GPC6: variants seen among roughly 807,000 people sequenced by gnomAD.
The protein encoded by GPC6 is glypican-6.
In GPC6, 14 loss-of-function variants were observed where a neutral mutation model predicts 55.2. That is an observed-to-expected ratio of 0.25 (90% CI 0.17 to 0.40). The LOEUF (loss-of-function observed/expected upper bound fraction) is 0.40, where lower values mean the gene tolerates loss of function less well. Ranked by LOEUF, GPC6 falls within the 10% of genes least tolerant of loss-of-function variation. The pLI is 1.00. For synonymous variants in GPC6, 278 were observed against 259.6 expected, an observed-to-expected ratio of 1.07 and a Z score of -0.68; for missense variants, 641 against 708.5, an observed-to-expected ratio of 0.90 and a Z score of 1.08.
At chr13:93,240,663 A>G (rs1876397258) in intron 1 of GPC6, among the ~76,000 whole-genome samples, 2 of 152,186 alleles carry the variant, frequency 1.3e-5, no homozygotes. Flanking sequence ...TATATTAAAT[A>G]CTATTCCAGT....
At chr13:94,336,561 G>A (rs991407749) in intron 6 of GPC6, among the ~76,000 whole-genome samples, 25 of 152,058 alleles carry the variant, frequency 1.6e-4, no homozygotes, top group Admixed American at 4.6e-4. Context: ...CGTCGGTAGC[G>A]GTTTTTTAAT....
chr13:93,499,572 T>C (rs755513300), intron 1 of GPC6, among the ~76,000 whole-genome samples: 4 of 152,148 alleles, frequency 2.6e-5, no homozygotes, highest in Non-Finnish European at 4.4e-5. Flanking sequence ...ATGGCATGGA[T>C]TATACTGATT....
chr13:93,678,053 A>G (rs1290162463), intron 2 of GPC6, among the ~76,000 whole-genome samples: 3 of 152,198 alleles, frequency 2.0e-5, no homozygotes, highest in Non-Finnish European at 4.4e-5. Context: ...GCCTTCTGCC[A>G]CTGTCTCCTA....
chr13:93,259,341 G>C (rs1338495197), intron 1 of GPC6, among the ~76,000 whole-genome samples: 1 of 152,160 alleles, frequency 6.6e-6, no homozygotes, highest in Non-Finnish European at 1.5e-5. Flanking sequence ...TGAGTCCTAA[G>C]AGTTGTGAGC....
intron 2 of GPC6, among the ~76,000 whole-genome samples, chr13:93,720,912 T>A (rs1228040779): frequency 6.6e-6 from 1 of 152,076 alleles, no homozygotes; most frequent in Non-Finnish European, 1.5e-5. Context: ...CTAATTTGAT[T>A]GCACTGTGGT....
chr13:93,324,583 C>CATAAATATAT (rs1256486557), intron 1 of GPC6, among the ~76,000 whole-genome samples: 1 of 86,490 alleles, frequency 1.2e-5, no homozygotes. Context: ...CACACACATA[C>CATAAATATAT]ATACATATAT....
intron 6 of GPC6, among the ~76,000 whole-genome samples, chr13:94,335,615 G>A (rs1298214131): frequency 1.3e-5 from 2 of 152,146 alleles, no homozygotes; most frequent in African/African-American, 4.8e-5. Flanking sequence ...ATACAATCCT[G>A]AAAGAATCAG....
chr13:93,218,405 T>C, the GPC6 span, among the ~76,000 whole-genome samples: 7 of 152,172 alleles, frequency 4.6e-5, no homozygotes, highest in Non-Finnish European at 8.8e-5. Context: ...TCAGCAAAAT[T>C]AAGCTTAGAT....
intron 1 of GPC6, among the ~76,000 whole-genome samples, chr13:93,234,931 C>T (rs1038084527): frequency 1.3e-5 from 2 of 152,030 alleles, no homozygotes; most frequent in African/African-American, 4.8e-5. Context: ...TGCTAACTCT[C>T]AAAAGTGTAG....
At chr13:93,936,812 A>G (rs1878458210) in intron 3 of GPC6, among the ~76,000 whole-genome samples, 1 of 152,226 alleles carries the variant, frequency 6.6e-6, no homozygotes, top group Non-Finnish European at 1.5e-5. Context: ...ATCTTCAGTG[A>G]TTGAATAACA....
At chr13:93,325,621 A>G (rs1879626692) in intron 1 of GPC6, among the ~76,000 whole-genome samples, 1 of 152,164 alleles carries the variant, frequency 6.6e-6, no homozygotes, top group Non-Finnish European at 1.5e-5. Context: ...ACTGGGTACA[A>G]TGATCACTAC....
chr13:93,428,340 A>T (rs995950459), intron 1 of GPC6, among the ~76,000 whole-genome samples: 6 of 152,176 alleles, frequency 3.9e-5, no homozygotes, highest in African/African-American at 7.2e-5. Context: ...GTGTGGACAC[A>T]TTACAGAGAG....
intron 6 of GPC6, among the ~76,000 whole-genome samples, chr13:94,339,359 C>T (rs530421555): frequency 2.0e-5 from 3 of 151,960 alleles, no homozygotes; most frequent in Non-Finnish European, 2.9e-5. Context: ...CCATCGCACC[C>T]GGCCTATTTT....
chr13:93,371,636 G>T (rs1874660451), intron 1 of GPC6, among the ~76,000 whole-genome samples: 1 of 152,064 alleles, frequency 6.6e-6, no homozygotes, highest in African/African-American at 2.4e-5. Context: ...TTACATTGTA[G>T]TGAGGAGTTC....
intron 3 of GPC6, among the ~76,000 whole-genome samples, chr13:93,841,057 A>G (rs866927815): frequency 1.4e-4 from 21 of 152,148 alleles, no homozygotes; most frequent in Admixed American, 3.3e-4. Context: ...TGTACGAGTG[A>G]GGAGGGTAGG....
At chr13:93,399,373 G>C (rs1875983806) in intron 1 of GPC6, among the ~76,000 whole-genome samples, 1 of 152,122 alleles carries the variant, frequency 6.6e-6, no homozygotes, top group Admixed American at 6.5e-5. Flanking sequence ...TGCCTGATTT[G>C]TTTCCCCTAT....
intron 3 of GPC6, among the ~76,000 whole-genome samples, chr13:93,991,294 CATT>C (rs1356292327): frequency 6.6e-6 from 1 of 152,078 alleles, no homozygotes; most frequent in Non-Finnish European, 1.5e-5. Flanking sequence ...GAAAAATAGA[CATT>C]ATTCTCCTGC....
intron 1 of GPC6, among the ~76,000 whole-genome samples, chr13:93,379,119 T>C (rs1409550354): frequency 6.6e-6 from 1 of 152,126 alleles, no homozygotes; most frequent in East Asian, 1.9e-4. Context: ...ATTTCCGTAA[T>C]GCACCCTAGG....
rs1009961953 is a variant in GPC6, at chr13:94,407,595, T to C, written c.*4378T>C. ...GGAACTATTTGAACTTTAGAACATT[T>C]AGAGCTTCCCAAATGTGTATGGAAA... On this transcript the variant is annotated 3_prime_UTR_variant, in exon 9 of 9. Coordinates refer to ENST00000377047, the MANE Select transcript of GPC6 (RefSeq NM_005708.5). Among the ~76,000 whole-genome samples the C allele has an allele frequency of 6.6e-6, 1 of 152,172 alleles. No homozygotes were observed. Among genetic ancestry groups the C allele is most frequent in the African/African-American group, 2.4e-5 (1 of 41,472 alleles).
Sources: allele counts gnomAD v4.1 joint callset (sites outside exome capture counted in the v4.1 genomes callset), GRCh38; gene constraint gnomAD v4.1.1; transcripts MANE v1.5; gene names NCBI Gene and HGNC (gene_info 2026-07-23, HGNC 2026-07-21).